The following MTDH variants were observed in gnomAD, a reference collection of about 807,000 sequenced individuals.
MTDH encodes the protein protein LYRIC.
In MTDH, 34 loss-of-function variants were observed where a neutral mutation model predicts 72.7. The ratio of observed to expected loss-of-function variants is 0.47; its 90% CI spans 0.36 to 0.62. The LOEUF (loss-of-function observed/expected upper bound fraction) is 0.62. Among genes scored for constraint, MTDH ranks in the 20% least tolerant of loss-of-function variants. MTDH has a pLI of 0.00. For synonymous variants in MTDH, 266 were observed against 268.9 expected (o/e 0.99, Z 0.10); for missense variants, 677 against 699.4 (o/e 0.97, Z 0.36).
At chr8:97,698,635 T>A (rs1813972402) in intron 6 of MTDH, among the ~76,000 whole-genome samples, 1 of 152,234 alleles carries the variant, frequency 6.6e-6, no homozygotes, top group African/African-American at 2.4e-5. Context: ...CTCTTTGGCT[T>A]CTCTCTGCCT....
At chr8:97,698,157 G>A (rs1041111243) in intron 6 of MTDH, among the ~76,000 whole-genome samples, 1 of 152,308 alleles carries the variant, frequency 6.6e-6, no homozygotes, top group African/African-American at 2.4e-5. Flanking sequence ...GTGGGAGGAC[G>A]TGATTGTATG....
chr8:97,720,797 GTGCACGCCACCACCCC>G (rs951270218), intron 10 of MTDH, among the ~76,000 whole-genome samples: 2 of 151,470 alleles, frequency 1.3e-5, no homozygotes, highest in African/African-American at 4.8e-5. Context: ...GGGATTACAG[GTGCACGCCACCACCCC>G]TGGCTAATTT....
In MTDH at chr8:97,725,894, T is replaced by C. The variant is rs935559809; in HGVS notation, c.*1224T>C. The C allele has an allele frequency of 2.6e-5, 4 of 152,728 alleles. No individual in the cohort carries two copies. Among genetic ancestry groups the C allele is most frequent in the Non-Finnish European group, 5.9e-5 (4 of 68,022 alleles). 9.5% of individuals were successfully genotyped at this position (152,728 alleles called of 1,614,324 possible). ...CATGCTCAGCCATGTACACTGTAAA[T>C]AGCCTTTACCAAACGTGTTTGACAA... On this transcript the variant is annotated 3_prime_UTR_variant, in exon 12 of 12. Transcript: ENST00000336273.
intron 2 of MTDH, among the ~76,000 whole-genome samples, chr8:97,675,688 A>G (rs1812814059): frequency 1.3e-5 from 2 of 152,104 alleles, no homozygotes; most frequent in African/African-American, 4.8e-5. Context: ...CCTGGGCAAC[A>G]TGGCAAAACC....
At chr8:97,702,497 A>G (rs1397192131) in intron 7 of MTDH, among the ~76,000 whole-genome samples, 1 of 152,234 alleles carries the variant, frequency 6.6e-6, no homozygotes, top group East Asian at 1.9e-4. Context: ...TGCCTCACAT[A>G]TAGTAAATAT....
In MTDH at chr8:97,644,483, C is replaced by T. The variant is rs777502301; in HGVS notation, c.-24C>T. The T allele has an allele frequency of 1.3e-6, 2 of 1,547,368 alleles. No homozygotes were observed. The highest frequency in any genetic ancestry group is 1.7e-6 in the Non-Finnish European group (2 of 1,155,500). On this transcript the variant is annotated 5_prime_UTR_variant, in exon 1 of 12. Coordinates refer to ENST00000336273, the MANE Select transcript of MTDH (RefSeq NM_178812.4). Reference sequence around the variant, plus strand: ...GTCTCCGCGCCCCGGCGTCATCCTGCGAGTCCCTCTGACGGGAGGGAAGAT... The same window carrying T: ...GTCTCCGCGCCCCGGCGTCATCCTGTGAGTCCCTCTGACGGGAGGGAAGAT...
chr8:97,704,024 C>A (rs960335935), intron 7 of MTDH, among the ~76,000 whole-genome samples: 1 of 152,170 alleles, frequency 6.6e-6, no homozygotes, highest in Non-Finnish European at 1.5e-5. Context: ...ATACTGACTC[C>A]AGATACTTGC....
chr8:97,706,723 C>T lies in MTDH; in HGVS notation c.1245C>T (p.Ser415=). ...VDEERASLLK[S]QEPIPDDQKV... ...AAGAAAGAGCTTCACTTCTAAAGTC[C>T]CAGGAACCAATTCCTGATGATCAAA... is the stretch of plus-strand genomic sequence containing the variant. The change falls in exon 8 of 12, where the codon TCC becomes TCT. Residue 415 remains serine, a synonymous_variant. Coordinates refer to ENST00000336273, the MANE Select transcript of MTDH (RefSeq NM_178812.4). 6.2e-7 allele frequency: 1 copy of T among 1,613,442 alleles called. No homozygotes were observed. The highest frequency in any genetic ancestry group is 1.1e-5 in the South Asian group (1 of 90,974).
chr8:97,718,517 GTTTTTTTTGT>G (rs1345305556), intron 9 of MTDH, among the ~76,000 whole-genome samples: 1 of 111,862 alleles, frequency 8.9e-6, no homozygotes, highest in Non-Finnish European at 1.6e-5. Flanking sequence ...TTTTGTTTTT[GTTTTTTTTGT>G]TTTTTTTTTG....
rs1344343617 is a variant in MTDH, at chr8:97,644,587, C to T, written c.81C>T (p.Val27=). ...GSARLREMLS[V]GLGFLRTELG... The stretch of plus-strand genomic sequence containing the variant: ...CCCGGCTGCGGGAAATGCTCTCGGT[C>T]GGCCTAGGCTTTCTGCGCACCGAGC... Residue 27 remains valine, a synonymous_variant, in exon 1 of 12, where the codon GTC becomes GTT. Coordinates refer to ENST00000336273, the MANE Select transcript of MTDH (RefSeq NM_178812.4). The T allele has an allele frequency of 1.2e-6, 2 of 1,608,246 alleles. No individual in the cohort carries two copies. Among genetic ancestry groups the T allele is most frequent in the Non-Finnish European group, 1.7e-6 (2 of 1,179,106 alleles).
At chr8:97,666,917 G>A (rs191314531) in intron 2 of MTDH, among the ~76,000 whole-genome samples, 2 of 152,242 alleles carry the variant, frequency 1.3e-5, no homozygotes, top group East Asian at 1.9e-4. Context: ...GGCTGGTCTT[G>A]AACCCCTGAC....
intron 1 of MTDH, among the ~76,000 whole-genome samples, chr8:97,647,987 G>C (rs1004051006): frequency 6.6e-6 from 1 of 150,526 alleles, no homozygotes; most frequent in Admixed American, 6.6e-5. Context: ...CCTGATCTCT[G>C]ATCTTTTCGT....
chr8:97,646,561 A>C (rs1811570225), intron 1 of MTDH, among the ~76,000 whole-genome samples: 2 of 152,172 alleles, frequency 1.3e-5, no homozygotes, highest in Admixed American at 1.3e-4. Flanking sequence ...GACATCTAGA[A>C]ATTTCAGATA....
intron 4 of MTDH, among the ~76,000 whole-genome samples, chr8:97,687,866 C>G (rs954863151): frequency 2.0e-5 from 3 of 152,130 alleles, no homozygotes; most frequent in African/African-American, 7.2e-5. Flanking sequence ...AATGATGTTG[C>G]CACTTTTCTA....
chr8:97,706,828 C>G, intron 8 of MTDH, 78 bp downstream of exon 8: 1 of 1,481,038 alleles, frequency 6.8e-7, no homozygotes, highest in Non-Finnish European at 9.0e-7. Context: ...GCCTATGATT[C>G]CAGCACTTTG....
In MTDH at chr8:97,727,031, G is replaced by A. The variant is rs1414701912; in HGVS notation, c.*2361G>A. On this transcript the variant is annotated 3_prime_UTR_variant, in exon 12 of 12. Transcript: ENST00000336273. ...AGACGGAGTTTGCAAAGCCAAGATCGTGCCACTGCACTCCAGCCTGGGCAA... is the reference window on the plus strand; with the variant it reads ...AGACGGAGTTTGCAAAGCCAAGATCATGCCACTGCACTCCAGCCTGGGCAA... 4 of 150,616 alleles carry A rather than the reference G, an allele frequency of 2.7e-5. No homozygotes were observed. The highest frequency in any genetic ancestry group is 7.3e-5 in the African/African-American group (3 of 40,900). The allele number at this position is 150,616 out of a possible 1,614,324, so 9.3% of individuals were successfully genotyped here.
At chr8:97,719,768 T>C (rs1815033012) in intron 10 of MTDH, among the ~76,000 whole-genome samples, 1 of 152,176 alleles carries the variant, frequency 6.6e-6, no homozygotes. Flanking sequence ...ATAGACAGCT[T>C]AGACATAGAG....
chr8:97,700,077 A>G (rs192161853), intron 7 of MTDH, among the ~76,000 whole-genome samples: 20 of 152,282 alleles, frequency 1.3e-4, no homozygotes, highest in Non-Finnish European at 2.5e-4. Context: ...GTTTTCTTCT[A>G]GTTGCTCTGT....
chr8:97,666,442 AGCTGATAAGGAAT>A (rs1255442165), intron 2 of MTDH, among the ~76,000 whole-genome samples: 1 of 152,214 alleles, frequency 6.6e-6, no homozygotes, highest in Non-Finnish European at 1.5e-5. Flanking sequence ...AGGAACACAT[AGCTGATAAGGAAT>A]GCTCCTTCAG....
Sources: gnomAD v4.1 joint callset for allele counts (sites outside exome capture counted in the v4.1 genomes callset) on GRCh38, gnomAD v4.1.1 for gene constraint, MANE v1.5 for transcripts, NCBI Gene and HGNC (gene_info 2026-07-23, HGNC 2026-07-21) for gene names.